The following HBEGF variants were observed in gnomAD, a reference collection of about 807,000 sequenced individuals.
The protein encoded by HBEGF is proheparin-binding EGF-like growth factor.
HBEGF carries 8 observed loss-of-function variants against 19.5 expected under a neutral mutation model. That is an observed-to-expected ratio of 0.41 (90% CI 0.24 to 0.74). The LOEUF is 0.74. Among genes scored for constraint, HBEGF ranks in the 30% least tolerant of loss-of-function variants. HBEGF has a pLI of 0.32. For synonymous variants in HBEGF, 97 were observed against 108.9 expected, an observed-to-expected ratio of 0.89 and a Z score of 0.68; for missense variants, 207 against 256.9, an observed-to-expected ratio of 0.81 and a Z score of 1.33.
intron 3 of HBEGF, among the ~76,000 whole-genome samples, chr5:140,338,811 G>A (rs553833221): frequency 6.6e-6 from 1 of 152,138 alleles, no homozygotes; most frequent in Non-Finnish European, 1.5e-5. Flanking sequence ...TTCAGAACTT[G>A]TATTACAACA....
chr5:140,343,315 AAGAAC>A (rs538628172), intron 2 of HBEGF, among the ~76,000 whole-genome samples: 35 of 152,242 alleles, frequency 2.3e-4, no homozygotes, highest in Non-Finnish European at 2.8e-4. Context: ...CTCCTAATAT[AAGAAC>A]AGTGTCCATG....
At chr5:140,343,059 C>G (rs945817950) in intron 2 of HBEGF, 2 of 498,946 alleles carry the variant, frequency 4.0e-6, no homozygotes, top group Non-Finnish European at 7.2e-6. Context: ...TTCACAGTCT[C>G]TGTGTAAGAG....
intron 2 of HBEGF, among the ~76,000 whole-genome samples, chr5:140,344,093 G>A (rs969816520): frequency 5.3e-5 from 8 of 151,698 alleles, no homozygotes; most frequent in Non-Finnish European, 1.0e-4. Context: ...AGCTGAGATC[G>A]TGCCATTGCA....
intron 3 of HBEGF, among the ~76,000 whole-genome samples, chr5:140,341,621 G>A (rs1177699864): frequency 6.6e-6 from 1 of 152,196 alleles, no homozygotes; most frequent in Non-Finnish European, 1.5e-5. Context: ...AAAGCTAAGG[G>A]ATCTGCACCA....
rs1459498518 is a variant in HBEGF at position 140,335,942 on chromosome 5, T to C, written c.484A>G (p.Ile162Val). 3.1e-6 allele frequency: 5 copies of C among 1,613,954 alleles called. No individual in the cohort carries two copies. The highest frequency in any genetic ancestry group is 1.7e-5 in the Admixed American group (1 of 60,004). Residue 162 changes from isoleucine to valine, a missense_variant, in exon 4 of 6, where the codon ATC becomes GTC. By Grantham distance (29) the Ile-to-Val change is conservative. Around this residue, in one of 3 missense-constraint regions of HBEGF, gnomAD observed 77 missense variants for 106.9 expected, o/e 0.72. Coordinates refer to ENST00000230990, the MANE Select transcript of HBEGF (RefSeq NM_001945.3). ...NRLYTYDHTT[I>V]LAVVAVVLSS... ...AGCACCACAGCCACCACGGCCAGGATGGTTGTGTGGTCATAGGTATATAAG... is the reference window on the plus strand; with the variant it reads ...AGCACCACAGCCACCACGGCCAGGACGGTTGTGTGGTCATAGGTATATAAG...
At chr5:140,340,149 G>C (rs1203801791) in intron 3 of HBEGF, among the ~76,000 whole-genome samples, 2 of 151,872 alleles carry the variant, frequency 1.3e-5, no homozygotes, top group Non-Finnish European at 2.9e-5. Context: ...AGCCAGATGT[G>C]GGGGCATGTG....
At chr5:140,344,095 G>T (rs1483678499) in intron 2 of HBEGF, among the ~76,000 whole-genome samples, 1 of 151,710 alleles carries the variant, frequency 6.6e-6, no homozygotes, top group Non-Finnish European at 1.5e-5. Context: ...CTGAGATCGT[G>T]CCATTGCACT....
chr5:140,334,926 T>A, intron 4 of HBEGF, 178 bp from the exon 5 acceptor site: 1 of 623,124 alleles, frequency 1.6e-6, no homozygotes, highest in South Asian at 1.9e-5. Flanking sequence ...CTCCTGTCTC[T>A]AATAGCAGGA....
chr5:140,340,582 C>CAAAAAAAAAAAAA (rs61489261), intron 3 of HBEGF, among the ~76,000 whole-genome samples: 12 of 59,846 alleles, frequency 2.0e-4, no homozygotes, highest in East Asian at 6.0e-4. Flanking sequence ...GACTCTGTCT[C>CAAAAAAAAAAAAA]AAAAAAAAAA....
Position 140,346,001 on chromosome 5 carries a change from T to C in HBEGF, c.130A>G (p.Thr44Ala). Reference protein sequence around the residue: ...AAGTSNPDPPTVSTDQLLPLG... With the variant: ...AAGTSNPDPPAVSTDQLLPLG... ...GGTAGCAGCTGGTCCGTGGATACAG[T>C]GGGAGGGTCCGGGTTGCTGGTTCCA... Residue 44 changes from threonine (T) to alanine (A), a missense_variant, in exon 2 of 6, where the codon ACT (threonine) becomes GCT (alanine). Physicochemically the swap from Thr to Ala is moderately conservative, Grantham distance 58 (BLOSUM62 0). Transcript: ENST00000230990. This position sits in a 1 kb window ranked among gnomAD's most constrained non-coding sequence, Gnocchi z 6.1. The C allele has an allele frequency of 6.2e-7, 1 of 1,614,100 alleles. No homozygotes were observed. Among genetic ancestry groups the C allele is most frequent in the South Asian group, 1.1e-5 (1 of 91,080 alleles).
intron 3 of HBEGF, among the ~76,000 whole-genome samples, chr5:140,342,270 G>C (rs1273860135): frequency 1.3e-5 from 2 of 152,028 alleles, no homozygotes; most frequent in African/African-American, 4.8e-5. Flanking sequence ...GCTCTACTCT[G>C]CCCTGGAAGC....
chr5:140,345,646 G>GTT (rs1376917053), intron 2 of HBEGF, among the ~76,000 whole-genome samples: 1 of 152,110 alleles, frequency 6.6e-6, no homozygotes, highest in African/African-American at 2.4e-5. Flanking sequence ...TAAGAAGAAC[G>GTT]TAACAACCCC....
At chr5:140,334,527 C>T in intron 5 of HBEGF, 131 bp downstream of exon 5, 1 of 711,074 alleles carries the variant, frequency 1.4e-6, no homozygotes, top group African/African-American at 1.8e-5. Flanking sequence ...GAAAATAATT[C>T]TGCAATGGGA....
At position 140,334,680 on chromosome 5, in the gene HBEGF, T is replaced by C. The variant is rs768910010; in HGVS notation, c.623A>G (p.His208Arg). 1.9e-6 allele frequency: 3 copies of C among 1,611,154 alleles called. No homozygotes were observed. Among genetic ancestry groups the C allele is most frequent in the South Asian group, 2.2e-5 (2 of 91,012 alleles). ...TACCTTGAGCACAAGTCTCTCTCAG[T>C]GGGAATTAGTCATGCCCAACTTCAC... ...EKVKLGMTNS[H>R] Residue 208 changes from histidine (H) to arginine (R), a missense_variant, in exon 5 of 6, where the codon CAC becomes CGC. Coordinates refer to ENST00000230990, the MANE Select transcript of HBEGF (RefSeq NM_001945.3).
chr5:140,340,217 C>T (rs1392698661), intron 3 of HBEGF, among the ~76,000 whole-genome samples: 1 of 151,140 alleles, frequency 6.6e-6, no homozygotes, highest in Non-Finnish European at 1.5e-5. Flanking sequence ...ATCTGGGAGG[C>T]GGAGGCTGCA....
At chr5:140,341,732 G>A (rs941844050) in intron 3 of HBEGF, among the ~76,000 whole-genome samples, 2 of 152,140 alleles carry the variant, frequency 1.3e-5, no homozygotes, top group Admixed American at 6.5e-5. Flanking sequence ...TCCCACTAAG[G>A]CCCCCAGAGC....
At chr5:140,336,156 C>T in intron 3 of HBEGF, 129 bp from the exon 4 acceptor site, 1 of 827,230 alleles carries the variant, frequency 1.2e-6, no homozygotes, top group South Asian at 1.7e-5. Context: ...CGATCCCTGC[C>T]CATCCTCCAT....
chr5:140,336,364 G>C (rs1302097330), intron 3 of HBEGF, among the ~76,000 whole-genome samples: 2 of 152,186 alleles, frequency 1.3e-5, no homozygotes, highest in African/African-American at 2.4e-5. Flanking sequence ...TGACATGTGT[G>C]TTCAGGCGTT....
intron 4 of HBEGF, among the ~76,000 whole-genome samples, chr5:140,335,503 A>G (rs1766215444): frequency 4.6e-5 from 7 of 152,090 alleles, no homozygotes; most frequent in Admixed American, 3.9e-4. Context: ...TCAGAAGTGG[A>G]AGGATATACC....
Sources: gnomAD v4.1 joint callset for allele counts (sites outside exome capture counted in the v4.1 genomes callset) on GRCh38, gnomAD v4.1.1 for gene constraint, gnomAD v4.1.1 regional missense constraint, Gnocchi (gnomAD v3.1) non-coding constraint, MANE v1.5 for transcripts, NCBI Gene and HGNC (gene_info 2026-07-23, HGNC 2026-07-21) for gene names.